Variants in ZFPM2 observed in about 807,000 individuals in gnomAD.
ZFPM2 encodes the protein zinc finger protein, FOG family member 2, also known as zinc finger protein ZFPM2.
A neutral mutation model predicts 98.6 loss-of-function variants in ZFPM2; 20 were observed. The observed-to-expected ratio is 0.20, with a 90% CI of 0.14 to 0.29. ZFPM2 has a LOEUF of 0.29. Among genes scored for constraint, ZFPM2 ranks in the 10% least tolerant of loss-of-function variants. The pLI is 1.00. For missense variants in ZFPM2, 1,310 were observed against 1,388.6 expected (o/e 0.94, Z 0.90); for synonymous variants, 518 against 502.7 (o/e 1.03, Z -0.41).
At chr8:105,655,891 G>C (rs1194893886) in intron 5 of ZFPM2, among the ~76,000 whole-genome samples, 1 of 152,150 alleles carries the variant, frequency 6.6e-6, no homozygotes, top group Admixed American at 6.5e-5. Context: ...AAGGCATAAA[G>C]CTAACAAATG....
chr8:105,553,020 A>G (rs1469893236), intron 3 of ZFPM2, among the ~76,000 whole-genome samples: 2 of 151,796 alleles, frequency 1.3e-5, no homozygotes, highest in Non-Finnish European at 2.9e-5. Flanking sequence ...CATGTTGCCC[A>G]GGCTGGTCTT....
intron 2 of ZFPM2, among the ~76,000 whole-genome samples, chr8:105,428,637 A>G (rs958483719): frequency 3.3e-5 from 5 of 152,216 alleles, no homozygotes; most frequent in Non-Finnish European, 5.9e-5. Context: ...CTATTTGGAT[A>G]AGAGCTTCAG....
intron 7 of ZFPM2, 103 bp downstream of exon 7, chr8:105,799,051 A>G (rs998794609): frequency 1.1e-5 from 12 of 1,065,374 alleles, no homozygotes; most frequent in Non-Finnish European, 1.6e-5. Flanking sequence ...ATCTGTAGCT[A>G]TCTATAACAT....
At chr8:105,717,653 C>T (rs1216203850) in intron 5 of ZFPM2, among the ~76,000 whole-genome samples, 1 of 151,778 alleles carries the variant, frequency 6.6e-6, no homozygotes, top group East Asian at 1.9e-4. Context: ...ATAGTAGACC[C>T]TTGAGAGTTA....
At chr8:105,352,743 T>A (rs1315033931) in intron 1 of ZFPM2, among the ~76,000 whole-genome samples, 1 of 152,188 alleles carries the variant, frequency 6.6e-6, no homozygotes, top group East Asian at 1.9e-4. Flanking sequence ...AAATTGTGGT[T>A]CAGATTTTTG....
intron 4 of ZFPM2, among the ~76,000 whole-genome samples, chr8:105,581,609 G>A (rs1815601662): frequency 6.6e-6 from 1 of 152,030 alleles, no homozygotes; most frequent in Non-Finnish European, 1.5e-5. Context: ...GATATAATGG[G>A]CAAAAAGACA....
intron 3 of ZFPM2, among the ~76,000 whole-genome samples, chr8:105,556,255 TAGTC>T (rs1030401509): frequency 5.9e-5 from 9 of 152,000 alleles, no homozygotes; most frequent in African/African-American, 2.2e-4. Flanking sequence ...AAAAGAAAAT[TAGTC>T]AGGATATGAG....
chr8:105,435,865 CTTAT>C (rs1232665393), intron 2 of ZFPM2, among the ~76,000 whole-genome samples: 1 of 152,030 alleles, frequency 6.6e-6, no homozygotes, highest in East Asian at 1.9e-4. Context: ...TTTGTAATCA[CTTAT>C]TTTTCATTAG....
chr8:105,494,816 A>G (rs1020374952), intron 3 of ZFPM2, among the ~76,000 whole-genome samples: 2 of 152,188 alleles, frequency 1.3e-5, no homozygotes, highest in Admixed American at 1.3e-4. Context: ...TTGAGTCCAT[A>G]TAGCAAATAT....
At chr8:105,680,135 A>AT (rs1810568842) in intron 5 of ZFPM2, among the ~76,000 whole-genome samples, 1 of 152,228 alleles carries the variant, frequency 6.6e-6, no homozygotes, top group South Asian at 2.1e-4. Context: ...AGCTACTTGT[A>AT]TTAGCTTGAA....
chr8:105,359,987 CT>C lies in ZFPM2; in HGVS notation c.40+41009del, dbSNP rs557325956. On this transcript the variant is annotated intron_variant, in intron 1 of 7. Transcript: ENST00000407775. ...GTATGCCGTACTCAGTTTTATGTCA[CT>C]TTGACCTAGCAGAGAAGGAAAGCAA... 1.1e-4 allele frequency among the ~76,000 whole-genome samples: 17 copies of C among 152,294 alleles called. No individual in the cohort carries two copies. The South Asian group carries it at 3.5e-3, about 32-fold the overall frequency.
chr8:105,447,786 G>A (rs1473080207), intron 3 of ZFPM2, among the ~76,000 whole-genome samples: 6 of 151,978 alleles, frequency 3.9e-5, no homozygotes, highest in Non-Finnish European at 7.4e-5. Flanking sequence ...GATTGACGAC[G>A]ACTCCACAAC....
Position 105,412,163 on chromosome 8 carries a change from A to G in ZFPM2, c.41-6981A>G, listed in dbSNP as rs533141892. ...TATTACTCCATTTTTATAAGATTAA[A>G]GAGTACATTTTTTCTCCCTAAAGAA... On this transcript the variant is annotated intron_variant, in intron 1 of 7. Transcript: ENST00000407775. 2.6e-5 allele frequency among the ~76,000 whole-genome samples: 4 copies of G among 151,998 alleles called. No individual in the cohort carries two copies. In the South Asian group the frequency reaches 8.3e-4, roughly 31 times the overall value.
chr8:105,571,139 G>A (rs1241495973), intron 4 of ZFPM2, among the ~76,000 whole-genome samples: 1 of 152,196 alleles, frequency 6.6e-6, no homozygotes, highest in Non-Finnish European at 1.5e-5. Context: ...GAAGGATGAA[G>A]AATCACTATT....
intron 1 of ZFPM2, among the ~76,000 whole-genome samples, chr8:105,354,706 C>G (rs1043453519): frequency 6.6e-6 from 1 of 152,142 alleles, no homozygotes; most frequent in Non-Finnish European, 1.5e-5. Context: ...GAGTTTTGAA[C>G]ATTGTATGTA....
chr8:105,649,989 T>C lies in ZFPM2; in HGVS notation c.532+15632T>C, dbSNP rs976323295. Among the ~76,000 whole-genome samples the C allele has an allele frequency of 1.2e-3, 183 of 152,262 alleles. 1 individual carries two copies. The highest frequency in any genetic ancestry group is 4.1e-3 in the African/African-American group (170 of 41,546). On this transcript the variant is annotated intron_variant, in intron 5 of 7. Coordinates refer to ENST00000407775, the MANE Select transcript of ZFPM2 (RefSeq NM_012082.4). ...TCCTCCTTTTACCTCTGGTAGAATT[T>C]GGCTGTGAATCCATCTGGTCCTGGA...
intron 3 of ZFPM2, among the ~76,000 whole-genome samples, chr8:105,524,364 G>C (rs1449995903): frequency 2.0e-5 from 3 of 152,078 alleles, no homozygotes; most frequent in Admixed American, 1.3e-4. Context: ...GAGTAAATAA[G>C]TGAAAGATGC....
At chr8:105,392,988 A>C (rs764545733) in intron 1 of ZFPM2, among the ~76,000 whole-genome samples, 5 of 152,200 alleles carry the variant, frequency 3.3e-5, no homozygotes, top group Non-Finnish European at 7.4e-5. Flanking sequence ...GTTCAAAGGC[A>C]TGGAATAATA....
At chr8:105,691,230 A>ATTTTTTTTTTT (rs1405040871) in intron 5 of ZFPM2, among the ~76,000 whole-genome samples, 1 of 83,282 alleles carries the variant, frequency 1.2e-5, no homozygotes, top group East Asian at 3.3e-4. Context: ...TCCCAAAGAG[A>ATTTTTTTTTTT]CTTTTTTTTT....
Sources: allele counts gnomAD v4.1 joint callset (sites outside exome capture counted in the v4.1 genomes callset), GRCh38; gene constraint gnomAD v4.1.1; transcripts MANE v1.5; gene names NCBI Gene and HGNC (gene_info 2026-07-23, HGNC 2026-07-21).